NEMF: variants seen among roughly 807,000 people sequenced by gnomAD.
The protein encoded by NEMF is nuclear export mediator factor, also known as ribosome quality control complex subunit NEMF.
In NEMF, 89 loss-of-function variants were observed where a neutral mutation model predicts 162.2. The observed-to-expected ratio is 0.55, with a 90% CI of 0.46 to 0.65. The LOEUF is 0.65. NEMF is among the 30% of genes least tolerant of loss of function. The probability of loss-of-function intolerance (pLI) is 0.00; values close to 1 mark genes in which losing one functional copy is unlikely to be tolerated. For synonymous variants in NEMF, 421 were observed against 404.5 expected, an observed-to-expected ratio of 1.04 and a Z score of -0.49; for missense variants, 1,133 against 1,261.9, an observed-to-expected ratio of 0.90 and a Z score of 1.55.
Position 49,796,524 on chromosome 14 carries a change from T to C in NEMF, c.2466-580A>G, listed in dbSNP as rs1182140600. Among the ~76,000 whole-genome samples, 3 of 152,184 alleles carry C rather than the reference T, an allele frequency of 2.0e-5. No individual in the cohort carries two copies. In the East Asian group the frequency reaches 5.8e-4, roughly 29 times the overall value. ...GTGCCACCACACCCAGTTAACTTTG[T>C]ATTTTTAGTAGATATGGGGTTTCAC... is the stretch of plus-strand genomic sequence containing the variant. On this transcript the variant is annotated intron_variant, in intron 25 of 32. Transcript: ENST00000298310.
At chr14:49,846,104 A>C (rs1893487230) in intron 4 of NEMF, 36 bp downstream of exon 4, 5 of 1,588,048 alleles carry the variant, frequency 3.1e-6, no homozygotes, top group South Asian at 2.2e-5. Context: ...ATTAATAAGA[A>C]ATTTTCCTTC....
At chr14:49,799,779 CCAA>C in intron 23 of NEMF, 101 bp from the exon 24 acceptor site, 1 of 987,488 alleles carries the variant, frequency 1.0e-6, no homozygotes, top group Non-Finnish European at 1.5e-6. Flanking sequence ...TACTGGCAAT[CCAA>C]CAAATTTTCA....
intron 19 of NEMF, among the ~76,000 whole-genome samples, chr14:49,805,305 C>T (rs915861979): frequency 6.6e-6 from 1 of 152,072 alleles, no homozygotes; most frequent in Non-Finnish European, 1.5e-5. Context: ...AATTATAATT[C>T]TCAAAAGTAT....
In NEMF at chr14:49,829,098, G is replaced by A. The variant is rs891484365; in HGVS notation, c.1188C>T (p.Ile396=). Residue 396 remains isoleucine, a synonymous_variant, in exon 13 of 33, where the codon ATC becomes ATT. Coordinates refer to ENST00000298310, the MANE Select transcript of NEMF (RefSeq NM_004713.6). ...GGTTTGTTTGTAGTTTTAATTCTTT[G>A]ATTGCACTTGCAACAGGGTCTCCTT... ...QAQGDPVASA[I]KELKLQTNHV... 1 of 1,613,962 alleles carries A rather than the reference G, an allele frequency of 6.2e-7. No individual in the cohort carries two copies. The highest frequency in any genetic ancestry group is 1.7e-5 in the Admixed American group (1 of 59,980).
At chr14:49,794,926 T>C (rs1043869903) in intron 26 of NEMF, among the ~76,000 whole-genome samples, 19 of 152,104 alleles carry the variant, frequency 1.2e-4, no homozygotes, top group African/African-American at 4.6e-4. Context: ...CCATGTTGGA[T>C]AGGCTGGTCT....
intron 15 of NEMF, 108 bp downstream of exon 15, chr14:49,828,183 A>G: frequency 1.2e-6 from 1 of 837,580 alleles, no homozygotes; most frequent in South Asian, 1.4e-5. Context: ...GTTAAGTTTG[A>G]AAGATACTTC....
At chr14:49,844,626 C>T (rs764610055) in intron 4 of NEMF, among the ~76,000 whole-genome samples, 1 of 152,010 alleles carries the variant, frequency 6.6e-6, no homozygotes, top group Non-Finnish European at 1.5e-5. Flanking sequence ...TTGGGCTACA[C>T]TAAATTTGTT....
chr14:49,840,950 A>G (rs1011885658), intron 4 of NEMF, 84 bp from the exon 5 acceptor site: 2 of 1,234,102 alleles, frequency 1.6e-6, no homozygotes, highest in African/African-American at 1.5e-5. Flanking sequence ...TAACCCCAGC[A>G]CTGTGGAAGG....
chr14:49,783,853 T>C lies in NEMF; in HGVS notation c.*783A>G, dbSNP rs1030100111. The C allele has an allele frequency of 6.6e-6, 1 of 152,176 alleles. No homozygotes were observed. Among genetic ancestry groups the C allele is most frequent in the African/African-American group, 2.4e-5 (1 of 41,450 alleles). 9.4% of individuals were successfully genotyped at this position (152,176 alleles called of 1,614,324 possible). Reference sequence around the variant, plus strand: ...ACTTATATTTTACATTTTGGTCTAATATTTTTTTCTGACAAGTATCAATGA... The same window carrying C: ...ACTTATATTTTACATTTTGGTCTAACATTTTTTTCTGACAAGTATCAATGA... On this transcript the variant is annotated 3_prime_UTR_variant, in exon 33 of 33. Coordinates refer to ENST00000298310, the MANE Select transcript of NEMF (RefSeq NM_004713.6).
chr14:49,802,499 C>T lies in NEMF; in HGVS notation c.2049G>A (p.Leu683=). Residue 683 remains leucine (L), a synonymous_variant, in exon 22 of 33, where the codon CTG becomes CTA. Transcript: ENST00000298310. The part of the protein sequence containing the change: ...VRVQDEDMET[L]ASCTSELISE... The stretch of plus-strand genomic sequence containing the variant: ...ATATGAGTTCACTTGTACAACTTGC[C>T]AGTGTCTCCATGTCTTCATCCTGTA... 2 of 1,613,830 alleles carry T rather than the reference C, an allele frequency of 1.2e-6. No homozygotes were observed. Among genetic ancestry groups the T allele is most frequent in the Non-Finnish European group, 1.7e-6 (2 of 1,179,834 alleles).
In NEMF at chr14:49,851,568, T is replaced by C. The variant is rs373740402; in HGVS notation, c.226A>G (p.Met76Val). ...TTCAAGCGTAACAAGTTTACCTTCA[T>C]GGCAAAACTAGACGGCATCATATTC... ...PKNMMPSSFA[M>V]KCRKHLKSRR... Residue 76 changes from methionine to valine, a missense_variant, in exon 3 of 33, where the codon ATG becomes GTG. This residue lies in a region of NEMF where 582 missense variants were observed against 631.5 expected (regional missense o/e 0.92). Coordinates refer to ENST00000298310, the MANE Select transcript of NEMF (RefSeq NM_004713.6). 2.1e-5 allele frequency: 34 copies of C among 1,609,236 alleles called. No homozygotes were observed. The East Asian group carries it at 6.2e-4, about 30-fold the overall frequency.
chr14:49,811,355 C>G (rs945374768), intron 18 of NEMF, among the ~76,000 whole-genome samples: 1 of 152,056 alleles, frequency 6.6e-6, no homozygotes, highest in Non-Finnish European at 1.5e-5. Flanking sequence ...CTGGTAGATT[C>G]TTTAGGTTTT....
chr14:49,837,815 TAAAAA>T (rs10709373), intron 6 of NEMF, among the ~76,000 whole-genome samples: 3 of 122,780 alleles, frequency 2.4e-5, no homozygotes. Flanking sequence ...ACCCACCAAT[TAAAAA>T]AAAAAAAAAA....
chr14:49,796,088 A>G (rs1736245642), intron 25 of NEMF, 144 bp from the exon 26 acceptor site: 3 of 641,928 alleles, frequency 4.7e-6, no homozygotes, highest in African/African-American at 1.8e-5. Flanking sequence ...GTTAGAAAAT[A>G]CAAAGATGCT....
chr14:49,824,028 G>C (rs919648911), intron 16 of NEMF, among the ~76,000 whole-genome samples: 2 of 152,028 alleles, frequency 1.3e-5, no homozygotes, highest in African/African-American at 2.4e-5. Flanking sequence ...AAATTAGTTG[G>C]GCATGGTGGC....
chr14:49,807,512 C>T (rs537830208), intron 18 of NEMF, among the ~76,000 whole-genome samples: 3 of 152,228 alleles, frequency 2.0e-5, no homozygotes, highest in Admixed American at 6.5e-5. Flanking sequence ...ATGTTCTCCA[C>T]CATCATCACC....
chr14:49,827,468 T>C (rs1385150677), intron 15 of NEMF, among the ~76,000 whole-genome samples: 1 of 150,842 alleles, frequency 6.6e-6, no homozygotes, highest in Non-Finnish European at 1.5e-5. Flanking sequence ...ATTACAGGCG[T>C]CAACCACCAC....
chr14:49,814,762 A>G lies in NEMF; in HGVS notation c.1673T>C (p.Leu558Ser). ...QQNEIIVKRYLTPGDIYVHAD... is the reference protein window; with the variant it reads ...QQNEIIVKRYSTPGDIYVHAD... ...ATTTTAATCTTACCTACCTGGTGTC[A>G]AGTATCTTTTCACAATTATTTCATT... The change falls in exon 17 of 33, where the codon TTG becomes TCG. Residue 558 changes from leucine to serine, a missense_variant. Transcript: ENST00000298310. The G allele has an allele frequency of 6.4e-7, 1 of 1,569,088 alleles. No homozygotes were observed. Among genetic ancestry groups the G allele is most frequent in the Non-Finnish European group, 8.6e-7 (1 of 1,158,658 alleles).
chr14:49,838,868 GAC>G (rs2140001783), intron 5 of NEMF, among the ~76,000 whole-genome samples: 1 of 152,138 alleles, frequency 6.6e-6, no homozygotes, highest in Admixed American at 6.5e-5. Flanking sequence ...ACAGGCGTGA[GAC>G]ACCGTGCCCA....
Sources: allele counts gnomAD v4.1 joint callset (sites outside exome capture counted in the v4.1 genomes callset), GRCh38; gene constraint gnomAD v4.1.1; regional missense constraint gnomAD v4.1.1; transcripts MANE v1.5; gene names NCBI Gene and HGNC (gene_info 2026-07-23, HGNC 2026-07-21).